Variants in AGTPBP1 observed in about 807,000 individuals in gnomAD.
The protein encoded by AGTPBP1 is cytosolic carboxypeptidase 1.
A neutral mutation model predicts 143.9 loss-of-function variants in AGTPBP1; 70 were observed. The observed-to-expected ratio is 0.49, with a 90% confidence interval of 0.40 to 0.59. The LOEUF (loss-of-function observed/expected upper bound fraction) is 0.59, where lower values mean the gene tolerates loss of function less well. AGTPBP1 is among the 20% of genes least tolerant of loss of function. AGTPBP1 has a pLI of 0.00. For synonymous variants in AGTPBP1, 463 were observed against 500.2 expected, an observed-to-expected ratio of 0.93 and a Z score of 0.99; for missense variants, 1,229 against 1,464.5, an observed-to-expected ratio of 0.84 and a Z score of 2.62.
chr9:85,747,506 A>C, the AGTPBP1 span, among the ~76,000 whole-genome samples: 1 of 152,224 alleles, frequency 6.6e-6, no homozygotes, highest in African/African-American at 2.4e-5. Flanking sequence ...ATCCACGAGC[A>C]TGGGAAGTCT....
intron 2 of AGTPBP1, among the ~76,000 whole-genome samples, chr9:85,693,120 C>A (rs1342760025): frequency 6.6e-6 from 1 of 152,178 alleles, no homozygotes; most frequent in African/African-American, 2.4e-5. Flanking sequence ...AGACTTTTTA[C>A]ACTTACTCTG....
At chr9:85,590,276 A>G (rs1434575634) in intron 19 of AGTPBP1, among the ~76,000 whole-genome samples, 1 of 152,156 alleles carries the variant, frequency 6.6e-6, no homozygotes, top group Non-Finnish European at 1.5e-5. Context: ...GATTACTACT[A>G]ACACAATGTA....
intron 1 of AGTPBP1, among the ~76,000 whole-genome samples, chr9:85,728,287 A>C (rs1209577844): frequency 6.6e-6 from 1 of 152,160 alleles, no homozygotes; most frequent in Non-Finnish European, 1.5e-5. Flanking sequence ...CTGAGGAAGG[A>C]ACCCTTTCTC....
the AGTPBP1 span, chr9:85,786,016 A>T: frequency 1.0e-6 from 1 of 1,003,444 alleles, no homozygotes; most frequent in Non-Finnish European, 1.5e-6. Flanking sequence ...GGTGATAATA[A>T]TGTATTTATG....
intron 1 of AGTPBP1, among the ~76,000 whole-genome samples, chr9:85,715,897 C>T (rs1168545826): frequency 6.6e-6 from 1 of 152,156 alleles, no homozygotes; most frequent in East Asian, 1.9e-4. Context: ...AAACTGAGCT[C>T]GAAATTTAGG....
chr9:85,784,134 C>T, the AGTPBP1 span, among the ~76,000 whole-genome samples: 1 of 152,112 alleles, frequency 6.6e-6, no homozygotes, highest in African/African-American at 2.4e-5. Flanking sequence ...TAAACCTATC[C>T]TTGTATCAAT....
the AGTPBP1 span, among the ~76,000 whole-genome samples, chr9:85,754,014 T>C: frequency 1.3e-5 from 2 of 152,198 alleles, no homozygotes; most frequent in Admixed American, 1.3e-4. Flanking sequence ...AGTGAAACTT[T>C]TATTATTACA....
chr9:85,737,944 T>C (rs1823913945), intron 1 of AGTPBP1, among the ~76,000 whole-genome samples: 1 of 152,196 alleles, frequency 6.6e-6, no homozygotes, highest in Admixed American at 6.5e-5. Context: ...AAACAACATA[T>C]TGCAATAGAC....
chr9:85,744,262 G>T (rs1357816488), upstream of AGTPBP1, among the ~76,000 whole-genome samples: 1 of 152,022 alleles, frequency 6.6e-6, no homozygotes, highest in Non-Finnish European at 1.5e-5. Context: ...TTCCACAGAG[G>T]TCTGCTTCAA....
the AGTPBP1 span, among the ~76,000 whole-genome samples, chr9:85,755,753 C>T: frequency 7.2e-5 from 11 of 152,160 alleles, no homozygotes; most frequent in African/African-American, 2.7e-4. Context: ...AACTGTGCAG[C>T]ACTACAACAG....
intron 25 of AGTPBP1, among the ~76,000 whole-genome samples, chr9:85,556,841 A>G (rs1049804631): frequency 6.6e-6 from 1 of 152,208 alleles, no homozygotes; most frequent in African/African-American, 2.4e-5. Context: ...GGAAAAGTGG[A>G]CACATTCGCA....
At position 85,678,393 on chromosome 9, in the gene AGTPBP1, T is replaced by G; in HGVS notation, c.231A>C (p.Thr77=). 1 of 1,576,810 alleles carries G rather than the reference T, an allele frequency of 6.3e-7. No individual in the cohort carries two copies. The highest frequency in any genetic ancestry group is 2.3e-5 in the East Asian group (1 of 44,010). The part of the protein sequence containing the change: ...MEILLSTLEN[T]KDLQTTLNIL... ...TATTAAGTGTAGTTTGAAGATCTTT[T>G]GTGTTCTGAAATAAATAGTTTGTTT... Residue 77 remains threonine (T), a synonymous_variant, in exon 5 of 26, where the codon ACA becomes ACC. Transcript: ENST00000357081.
At chr9:85,560,923 T>C (rs1826671691) in intron 25 of AGTPBP1, among the ~76,000 whole-genome samples, 1 of 152,110 alleles carries the variant, frequency 6.6e-6, no homozygotes, top group Non-Finnish European at 1.5e-5. Context: ...GAAGAGAATA[T>C]AGCTAAGAAT....
At chr9:85,647,418 A>G (rs1293522967) in intron 11 of AGTPBP1, among the ~76,000 whole-genome samples, 1 of 152,260 alleles carries the variant, frequency 6.6e-6, no homozygotes, top group Non-Finnish European at 1.5e-5. Flanking sequence ...GTTAAAGAGC[A>G]GAAAGGAGTA....
chr9:85,648,820 GAGAA>G (rs1832977318), intron 11 of AGTPBP1, among the ~76,000 whole-genome samples: 1 of 152,082 alleles, frequency 6.6e-6, no homozygotes, highest in Non-Finnish European at 1.5e-5. Context: ...TCAAAAAAAA[GAGAA>G]AGAAAGAAAA....
rs773265004 is a variant in AGTPBP1 at position 85,585,509 on chromosome 9, T to C, written c.3119A>G (p.Asn1040Ser). Residue 1040 changes from asparagine (N) to serine (S), a missense_variant, in exon 23 of 26, where the codon AAT (asparagine) becomes AGT (serine). Asn to Ser is a conservative substitution (Grantham distance 46, BLOSUM62 1). This residue lies in a region of AGTPBP1 where 486 missense variants were observed against 652.3 expected (regional missense o/e 0.75). Coordinates refer to ENST00000357081, the MANE Select transcript of AGTPBP1 (RefSeq NM_001330701.2). ...CSIKETVWHT[N>S]DNATSCDVVE... ...AACATCACATGAAGTTGCATTATCA[T>C]TGGTATGCCACACTGTCTCTTTGAT... 19 of 1,611,028 alleles carry C rather than the reference T, an allele frequency of 1.2e-5. No individual in the cohort carries two copies. Among genetic ancestry groups the C allele is most frequent in the Admixed American group, 8.4e-5 (5 of 59,652 alleles).
At chr9:85,682,976 T>C (rs1390258349) in intron 3 of AGTPBP1, among the ~76,000 whole-genome samples, 2 of 152,078 alleles carry the variant, frequency 1.3e-5, no homozygotes, top group African/African-American at 4.8e-5. Flanking sequence ...TGCTGGAGAG[T>C]ACATGTCATA....
At chr9:85,717,455 T>A (rs1052383888) in intron 1 of AGTPBP1, among the ~76,000 whole-genome samples, 2 of 152,206 alleles carry the variant, frequency 1.3e-5, no homozygotes, top group African/African-American at 4.8e-5. Flanking sequence ...TGAGCTGTGT[T>A]CACACCACTG....
chr9:85,618,960 A>G (rs62566933), intron 17 of AGTPBP1, 23 bp downstream of exon 17: 32,205 of 1,591,634 alleles, frequency 0.02, 382 homozygotes, highest in Middle Eastern at 0.03. Context: ...TGCCATTTCA[A>G]TTGGGAAAGA....
Sources: allele counts gnomAD v4.1 joint callset (sites outside exome capture counted in the v4.1 genomes callset), GRCh38; gene constraint gnomAD v4.1.1; regional missense constraint gnomAD v4.1.1; transcripts MANE v1.5; gene names NCBI Gene and HGNC (gene_info 2026-07-23, HGNC 2026-07-21).